TRPM3: variants seen among roughly 807,000 people sequenced by gnomAD.
TRPM3 encodes transient receptor potential cation channel subfamily M member 3, also known as long transient receptor potential channel 3.
Under a neutral mutation model 181.2 loss-of-function variants are expected in TRPM3, and 77 were observed. The ratio of observed to expected loss-of-function variants is 0.42; its 90% CI spans 0.35 to 0.51. The LOEUF is 0.51. TRPM3 is among the 20% of genes least tolerant of loss of function. TRPM3 has a pLI of 0.01. For synonymous variants in TRPM3, 745 were observed against 796.4 expected (o/e 0.94, Z 1.09); for missense variants, 1,759 against 2,196.7 (o/e 0.80, Z 3.98).
chr9:71,282,696 G>A (rs564569233), intron 1 of TRPM3, among the ~76,000 whole-genome samples: 2 of 152,272 alleles, frequency 1.3e-5, no homozygotes, highest in South Asian at 4.1e-4. Context: ...TTAAACCATA[G>A]GAGAGATGTT....
Position 71,333,974 on chromosome 9 carries a change from T to C in TRPM3, c.183+112679A>G, listed in dbSNP as rs1383127261. On this transcript the variant is annotated intron_variant, in intron 1 of 24. Coordinates refer to the TRPM3 transcript ENST00000357533. ...GTTAAAGGGAATTGCAAAGCTCCAA[T>C]TTTCCATTGGTATGCTAATAAGGGA... 2.0e-5 allele frequency among the ~76,000 whole-genome samples: 3 copies of C among 151,836 alleles called. 1 individual carries two copies. The highest frequency in any genetic ancestry group is 4.4e-5 in the Non-Finnish European group (3 of 67,942).
intron 1 of TRPM3, among the ~76,000 whole-genome samples, chr9:70,925,868 T>C (rs772276399): frequency 6.6e-6 from 1 of 152,010 alleles, no homozygotes; most frequent in Non-Finnish European, 1.5e-5. Flanking sequence ...GTTAAGAATA[T>C]GTTTACAATG....
chr9:70,790,766 A>G (rs1158512682), intron 6 of TRPM3, among the ~76,000 whole-genome samples: 4 of 152,214 alleles, frequency 2.6e-5, no homozygotes, highest in African/African-American at 9.6e-5. Context: ...TTGTGCCTGA[A>G]AACATTCAAA....
At chr9:70,787,763 C>CTTTTTTTTTTTTTTTTTTTTTTTGGTTT (rs2084154820) in intron 6 of TRPM3, among the ~76,000 whole-genome samples, 1 of 68,560 alleles carries the variant, frequency 1.5e-5, no homozygotes, top group Non-Finnish European at 2.6e-5. Flanking sequence ...TTTTTGGATT[C>CTTTTTTTTTTTTTTTTTTTTTTTGGTTT]TTTTTTTTTT....
At chr9:71,094,279 T>TA (rs949654643) in intron 1 of TRPM3, among the ~76,000 whole-genome samples, 5 of 151,860 alleles carry the variant, frequency 3.3e-5, no homozygotes, top group East Asian at 1.9e-4. Flanking sequence ...AAATAAATTT[T>TA]AAAAAAAACT....
At chr9:70,926,590 T>C (rs934298540) in intron 1 of TRPM3, among the ~76,000 whole-genome samples, 13 of 152,204 alleles carry the variant, frequency 8.5e-5, no homozygotes, top group African/African-American at 2.2e-4. Context: ...CTAATAGTGC[T>C]TCAAAGAAAT....
intron 1 of TRPM3, among the ~76,000 whole-genome samples, chr9:71,420,767 A>AAGAG (rs1191759849): frequency 1.5e-5 from 1 of 66,452 alleles, no homozygotes; most frequent in Admixed American, 1.3e-4. Flanking sequence ...AAGAGAGAGA[A>AAGAG]AGAGAGAGAA....
At chr9:70,592,355 A>C (rs979124930) in intron 21 of TRPM3, among the ~76,000 whole-genome samples, 10 of 152,246 alleles carry the variant, frequency 6.6e-5, no homozygotes, top group African/African-American at 2.4e-4. Flanking sequence ...GGGAGAAAGA[A>C]GTTCCTTGTG....
rs2078151910 is a variant in TRPM3, at chr9:70,761,571, A to C, written c.1272+30T>G. The C allele has an allele frequency of 1.9e-6, 3 of 1,613,762 alleles. No homozygotes were observed. In the African/African-American group the frequency reaches 4.0e-5, roughly 22 times the overall value. On this transcript the variant is annotated intron_variant, in intron 8 of 25. Coordinates refer to ENST00000677713, the MANE Select transcript of TRPM3 (RefSeq NM_001366145.2). ...CAAGAAAATGACTGAAAATGTGGAG[A>C]CAGCTGGCCACCCATGCGGAATTAC...
intron 1 of TRPM3, among the ~76,000 whole-genome samples, chr9:71,376,792 T>C (rs1230770133): frequency 3.9e-5 from 6 of 152,118 alleles, no homozygotes; most frequent in Non-Finnish European, 7.4e-5. Context: ...TGGAAATTTC[T>C]GTTCACAAAT....
intron 1 of TRPM3, among the ~76,000 whole-genome samples, chr9:71,334,931 C>A (rs576713050): frequency 1.3e-4 from 19 of 151,994 alleles, no homozygotes; most frequent in Middle Eastern, 3.2e-3. Flanking sequence ...CATATACATA[C>A]CAATATTGAG....
chr9:71,189,617 C>T (rs2077887576), intron 1 of TRPM3, among the ~76,000 whole-genome samples: 3 of 151,734 alleles, frequency 2.0e-5, no homozygotes, highest in African/African-American at 7.3e-5. Flanking sequence ...TTACTTGTCA[C>T]CAAGCTACCC....
At chr9:71,423,770 C>G (rs2093817801) in intron 1 of TRPM3, among the ~76,000 whole-genome samples, 2 of 152,094 alleles carry the variant, frequency 1.3e-5, no homozygotes, top group Admixed American at 6.6e-5. Flanking sequence ...AATTTACAAA[C>G]CTTTCCCTTC....
chr9:70,745,668 C>A (rs1169499811), intron 8 of TRPM3, among the ~76,000 whole-genome samples: 3 of 152,178 alleles, frequency 2.0e-5, no homozygotes, highest in African/African-American at 7.2e-5. Context: ...CCCTTCCCAT[C>A]TATAAAAGGC....
chr9:70,637,001 G>A (rs111301093), intron 11 of TRPM3, among the ~76,000 whole-genome samples: 3 of 152,240 alleles, frequency 2.0e-5, no homozygotes, highest in African/African-American at 4.8e-5. Context: ...AAGCACTGTT[G>A]CAACCATTCA....
At chr9:70,653,677 CAAAAAAA>C (rs71507003) in intron 9 of TRPM3, among the ~76,000 whole-genome samples, 8 of 103,132 alleles carry the variant, frequency 7.8e-5, no homozygotes, top group Non-Finnish European at 1.1e-4. Context: ...CTTCCTGTCT[CAAAAAAA>C]AAAAAAAAAA....
At chr9:70,768,640 G>A (rs1027789575) in intron 7 of TRPM3, among the ~76,000 whole-genome samples, 6 of 151,880 alleles carry the variant, frequency 4.0e-5, no homozygotes, top group Non-Finnish European at 7.4e-5. Flanking sequence ...AAATGATTGG[G>A]CCAGGTGTGG....
At chr9:71,208,412 C>T (rs904555304) in intron 1 of TRPM3, among the ~76,000 whole-genome samples, 1 of 151,606 alleles carries the variant, frequency 6.6e-6, no homozygotes, top group African/African-American at 2.4e-5. Flanking sequence ...AGGCTTTCAT[C>T]CTTTACCCAC....
chr9:71,221,987 A>AT (rs372966606), intron 1 of TRPM3, among the ~76,000 whole-genome samples: 219 of 152,236 alleles, frequency 1.4e-3, no homozygotes, highest in African/African-American at 5.0e-3. Flanking sequence ...GGGTTCTTAC[A>AT]TTTTTTTATC....
Sources: allele counts gnomAD v4.1 joint callset (sites outside exome capture counted in the v4.1 genomes callset), GRCh38; gene constraint gnomAD v4.1.1; transcripts MANE v1.5; gene names NCBI Gene and HGNC (gene_info 2026-07-23, HGNC 2026-07-21).